SLC28A1: variants seen among roughly 807,000 people sequenced by gnomAD.
SLC28A1 encodes the protein solute carrier family 28 member 1, also known as sodium/nucleoside cotransporter 1.
SLC28A1 carries 64 observed loss-of-function variants against 74.8 expected under a neutral mutation model. That is an observed-to-expected ratio of 0.86 (90% CI 0.70 to 1.05). The LOEUF (loss-of-function observed/expected upper bound fraction) is 1.05. Among genes scored for constraint, SLC28A1 ranks in the 50% least tolerant of loss-of-function variants. The pLI is 0.00. For synonymous variants in SLC28A1, 359 were observed against 335.0 expected, an observed-to-expected ratio of 1.07 and a Z score of -0.78; for missense variants, 828 against 822.8, an observed-to-expected ratio of 1.01 and a Z score of -0.08.
At chr15:84,937,404 C>T (rs1484467915) in intron 15 of SLC28A1, among the ~76,000 whole-genome samples, 8 of 152,126 alleles carry the variant, frequency 5.3e-5, no homozygotes, top group South Asian at 2.1e-4. Flanking sequence ...GCTGTGCCTG[C>T]GAGCATTTAT....
intron 9 of SLC28A1, among the ~76,000 whole-genome samples, chr15:84,917,090 G>C (rs1475689181): frequency 2.1e-5 from 3 of 140,142 alleles, no homozygotes; most frequent in African/African-American, 7.9e-5. Context: ...AAAGAAAAAA[G>C]AAAACAACAT....
rs749978186 is a variant in SLC28A1, at chr15:84,887,895, C to T, written c.96+39C>T. Reference sequence around the variant, plus strand: ...CCCATCAGTCATCCTGACCCCTCAGCCTCTTTGGCTTGAGCCCGGCTGCCG... The same window carrying T: ...CCCATCAGTCATCCTGACCCCTCAGTCTCTTTGGCTTGAGCCCGGCTGCCG... On this transcript the variant is annotated intron_variant, in intron 3 of 18. Transcript: ENST00000394573. 5.4e-6 allele frequency: 8 copies of T among 1,489,732 alleles called. No individual in the cohort carries two copies. The African/African-American group carries it at 1.1e-4, about 21-fold the overall frequency. 92.3% of individuals were successfully genotyped at this position (1,489,732 alleles called of 1,614,324 possible).
At chr15:84,890,415 T>C (rs1965233259) in intron 4 of SLC28A1, 28 bp from the exon 5 acceptor site, 1 of 1,560,958 alleles carries the variant, frequency 6.4e-7, no homozygotes, top group East Asian at 2.3e-5. Context: ...GCTCATGCAC[T>C]CATGGACCCT....
At chr15:84,889,385 C>G (rs1007182181) in intron 4 of SLC28A1, among the ~76,000 whole-genome samples, 4 of 152,096 alleles carry the variant, frequency 2.6e-5, no homozygotes, top group African/African-American at 9.7e-5. Context: ...GCTGAGGACA[C>G]CGTGATGGGC....
intron 12 of SLC28A1, among the ~76,000 whole-genome samples, chr15:84,925,444 C>A (rs980632477): frequency 6.6e-6 from 1 of 151,880 alleles, no homozygotes; most frequent in African/African-American, 2.4e-5. Flanking sequence ...ACTAAAAATA[C>A]AAAAAAATAG....
the SLC28A1 span, among the ~76,000 whole-genome samples, chr15:84,973,599 G>T: frequency 1.3e-5 from 2 of 152,178 alleles, no homozygotes; most frequent in Non-Finnish European, 2.9e-5. Context: ...TCAGGGAAGT[G>T]CTCTTGGTGC....
In SLC28A1 at chr15:84,928,523, G is replaced by GTTCT. The variant is rs1555453777; in HGVS notation, c.1083+4416_1083+4417insTTTC. ...CCCTTTCCTTCAAGCTCCCAGGTTCGTTCGTTCTTTCTTTCTTTCTTTCTT... is the reference window on the plus strand; with the variant it reads ...CCCTTTCCTTCAAGCTCCCAGGTTCGTTCTTTCGTTCTTTCTTTCTTTCTTTCTT... On this transcript the variant is annotated intron_variant, in intron 12 of 18. Transcript: ENST00000394573. 1.6e-3 allele frequency among the ~76,000 whole-genome samples: 65 copies of GTTCT among 39,846 alleles called. 1 individual carries two copies. The highest frequency in any genetic ancestry group is 6.8e-3 in the African/African-American group (58 of 8,502). 26.1% of individuals were successfully genotyped at this position (39,846 alleles called of 152,430 possible). A position where few individuals can be genotyped will look rare whatever the true frequency, so the allele number is the denominator to read the frequency against.
At chr15:84,943,748 G>A (rs903438421) in intron 16 of SLC28A1, among the ~76,000 whole-genome samples, 10 of 152,092 alleles carry the variant, frequency 6.6e-5, no homozygotes, top group African/African-American at 2.4e-4. Flanking sequence ...GGCCAACATG[G>A]CAAAACTCTA....
chr15:84,935,218 A>G lies in SLC28A1; in HGVS notation c.1383+24A>G, dbSNP rs767129366. On this transcript the variant is annotated intron_variant, in intron 14 of 18. Transcript: ENST00000394573. ...AGGTGCGTTTCTGGCCACCACACTC[A>G]GTCTGTAGAGAGGATGGCCCCAGGT... 5 of 1,613,710 alleles carry G rather than the reference A, an allele frequency of 3.1e-6. No individual in the cohort carries two copies. The East Asian group carries it at 1.1e-4, about 36-fold the overall frequency.
the SLC28A1 span, among the ~76,000 whole-genome samples, chr15:84,961,789 T>C: frequency 0.09 from 13,654 of 152,174 alleles, 783 homozygotes; most frequent in African/African-American, 0.16. Context: ...CCAGGTAAAG[T>C]CACTAACTAG....
chr15:84,889,693 TTTCCTTCCTTCCTTCTTTCCTTCC>T (rs1428199810), intron 4 of SLC28A1, among the ~76,000 whole-genome samples: 6 of 26,296 alleles, frequency 2.3e-4, no homozygotes, highest in Middle Eastern at 0.014. Flanking sequence ...TCCTTCCTTC[TTTCCTTCCTTCCTTCTTTCCTTCC>T]TTCCTTCCTT....
At chr15:84,954,096 T>G in the SLC28A1 span, among the ~76,000 whole-genome samples, 50 of 152,352 alleles carry the variant, frequency 3.3e-4, no homozygotes, top group African/African-American at 1.2e-3. Context: ...CTTGTTTTCC[T>G]GATAGCTAGT....
chr15:84,943,043 G>A (rs886805230), intron 15 of SLC28A1, among the ~76,000 whole-genome samples: 2 of 152,022 alleles, frequency 1.3e-5, no homozygotes, highest in Non-Finnish European at 2.9e-5. Context: ...AAAGTTAGCC[G>A]GGCGTGGTGG....
intron 9 of SLC28A1, among the ~76,000 whole-genome samples, chr15:84,910,410 C>T (rs116037178): frequency 0.012 from 1,849 of 152,314 alleles, 58 homozygotes; most frequent in South Asian, 0.12. Context: ...GGCAGGGAGG[C>T]TCCCGCAGCT....
the SLC28A1 span, among the ~76,000 whole-genome samples, chr15:84,971,647 C>G: frequency 5.9e-5 from 9 of 151,742 alleles, no homozygotes; most frequent in Non-Finnish European, 1.5e-5. Flanking sequence ...CCCTCCCCTC[C>G]CTTGTTCTTC....
At chr15:84,946,782 T>G (rs2079247782), downstream of SLC28A1, among the ~76,000 whole-genome samples, 1 of 151,882 alleles carries the variant, frequency 6.6e-6, no homozygotes, top group South Asian at 2.1e-4. Flanking sequence ...CCGATGTCCC[T>G]CCCCTGCCTT....
At chr15:84,960,379 T>A in the SLC28A1 span, among the ~76,000 whole-genome samples, 4 of 151,604 alleles carry the variant, frequency 2.6e-5, no homozygotes, top group African/African-American at 9.7e-5. Flanking sequence ...TGCCTCAGCC[T>A]CCCAAGTAAC....
At chr15:84,928,592 T>TC (rs1596327805) in intron 12 of SLC28A1, among the ~76,000 whole-genome samples, 7 of 18,248 alleles carry the variant, frequency 3.8e-4, no homozygotes, top group Admixed American at 9.4e-4. Context: ...CTTTCTTTCT[T>TC]TCTTTCTTTC....
intron 1 of SLC28A1, among the ~76,000 whole-genome samples, chr15:84,885,890 C>G (rs142841148): frequency 5.9e-5 from 9 of 152,214 alleles, no homozygotes; most frequent in African/African-American, 2.2e-4. Flanking sequence ...ATTCAAATGA[C>G]AGATGAAGAA....
Sources: allele counts gnomAD v4.1 joint callset (sites outside exome capture counted in the v4.1 genomes callset), GRCh38; gene constraint gnomAD v4.1.1; transcripts MANE v1.5; gene names NCBI Gene and HGNC (gene_info 2026-07-23, HGNC 2026-07-21).